Variants in KHDRBS2 observed in about 807,000 individuals in gnomAD.
KHDRBS2 encodes the protein KH RNA binding domain containing, signal transduction associated 2, also known as KH domain-containing, RNA-binding, signal transduction-associated protein 2.
In KHDRBS2, 26 loss-of-function variants were observed where a neutral mutation model predicts 44.3. The ratio of observed to expected loss-of-function variants is 0.59; its 90% confidence interval spans 0.43 to 0.81. KHDRBS2 has a LOEUF of 0.81. KHDRBS2 is among the 40% of genes least tolerant of loss of function. The pLI is 0.00. For synonymous variants in KHDRBS2, 194 were observed against 151.1 expected (o/e 1.28, Z -2.08); for missense variants, 476 against 433.1 (o/e 1.10, Z -0.88).
intron 6 of KHDRBS2, among the ~76,000 whole-genome samples, chr6:61,848,367 C>T (rs1794716937): frequency 6.8e-6 from 1 of 147,080 alleles, no homozygotes; most frequent in Non-Finnish European, 1.5e-5. Context: ...ACAAGCAGGT[C>T]GCAATGTTGC....
intron 2 of KHDRBS2, among the ~76,000 whole-genome samples, chr6:62,135,342 C>G (rs1275409653): frequency 6.6e-6 from 1 of 152,182 alleles, no homozygotes; most frequent in Non-Finnish European, 1.5e-5. Context: ...CCTCTCCAGC[C>G]ATGTGGAACT....
chr6:61,574,072 T>A, the KHDRBS2 span, among the ~76,000 whole-genome samples: 2 of 152,100 alleles, frequency 1.3e-5, no homozygotes, highest in African/African-American at 4.8e-5. Context: ...GCTGGGATAA[T>A]TAGCAAGCCA....
At chr6:61,897,659 T>C (rs1252321041) in intron 5 of KHDRBS2, among the ~76,000 whole-genome samples, 3 of 152,068 alleles carry the variant, frequency 2.0e-5, no homozygotes, top group African/African-American at 7.2e-5. Context: ...CCTTGGATGA[T>C]GGAATTGTTT....
intron 6 of KHDRBS2, among the ~76,000 whole-genome samples, chr6:61,828,421 G>C (rs1420014512): frequency 6.6e-6 from 1 of 152,174 alleles, no homozygotes; most frequent in African/African-American, 2.4e-5. Context: ...GAGAGCTACA[G>C]GTTACAGGTG....
chr6:62,228,560 T>C (rs918993466), intron 1 of KHDRBS2, among the ~76,000 whole-genome samples: 3 of 152,186 alleles, frequency 2.0e-5, no homozygotes, highest in African/African-American at 7.2e-5. Context: ...TAGTTATTTC[T>C]TGTCTTCTGC....
At chr6:62,176,340 C>T (rs1821091634) in intron 2 of KHDRBS2, among the ~76,000 whole-genome samples, 1 of 151,312 alleles carries the variant, frequency 6.6e-6, no homozygotes, top group Admixed American at 6.6e-5. Flanking sequence ...AATTTTATCC[C>T]TGTTTGAAAT....
At chr6:61,882,035 C>G (rs1317520140) in intron 6 of KHDRBS2, among the ~76,000 whole-genome samples, 2 of 152,032 alleles carry the variant, frequency 1.3e-5, no homozygotes, top group Non-Finnish European at 2.9e-5. Context: ...ACATCCAGTA[C>G]TACTGCACAA....
At chr6:61,793,232 T>C (rs1487324481) in intron 6 of KHDRBS2, among the ~76,000 whole-genome samples, 1 of 152,118 alleles carries the variant, frequency 6.6e-6, no homozygotes, top group African/African-American at 2.4e-5. Context: ...CACTTCACAA[T>C]ATTTATAAAT....
chr6:61,635,887 T>C, the KHDRBS2 span, among the ~76,000 whole-genome samples: 1 of 152,098 alleles, frequency 6.6e-6, no homozygotes, highest in Non-Finnish European at 1.5e-5. Context: ...TTTCACTTTA[T>C]GGAGTCGCAG....
intron 1 of KHDRBS2, among the ~76,000 whole-genome samples, chr6:62,226,845 G>A (rs1831927342): frequency 6.6e-6 from 1 of 152,024 alleles, no homozygotes; most frequent in Admixed American, 6.6e-5. Flanking sequence ...GATATGTGGT[G>A]TTACTTTTAA....
At chr6:62,091,011 T>C (rs1652521312) in intron 2 of KHDRBS2, among the ~76,000 whole-genome samples, 1 of 152,142 alleles carries the variant, frequency 6.6e-6, no homozygotes, top group African/African-American at 2.4e-5. Context: ...TGGGTGACAC[T>C]GTAATTGGGA....
At chr6:62,122,881 T>C (rs952555196) in intron 2 of KHDRBS2, among the ~76,000 whole-genome samples, 3 of 128,958 alleles carry the variant, frequency 2.3e-5, no homozygotes, top group African/African-American at 9.4e-5. Context: ...TTTATTTTAT[T>C]TTATTTATTT....
At chr6:61,976,492 T>C (rs186195399) in intron 4 of KHDRBS2, among the ~76,000 whole-genome samples, 2 of 152,248 alleles carry the variant, frequency 1.3e-5, no homozygotes, top group Admixed American at 6.5e-5. Flanking sequence ...TGTGTAGATA[T>C]ACATATCAAT....
chr6:62,248,945 C>T (rs1303110652), intron 1 of KHDRBS2, among the ~76,000 whole-genome samples: 2 of 151,990 alleles, frequency 1.3e-5, no homozygotes, highest in Non-Finnish European at 2.9e-5. Flanking sequence ...AGAAGAGAAA[C>T]AAAACTAGCA....
chr6:61,961,614 G>T (rs1414250437), intron 4 of KHDRBS2, among the ~76,000 whole-genome samples: 1 of 152,028 alleles, frequency 6.6e-6, no homozygotes, highest in African/African-American at 2.4e-5. Context: ...CTGAAGTGCT[G>T]AAATGGAGAC....
intron 5 of KHDRBS2, among the ~76,000 whole-genome samples, chr6:61,898,509 C>T (rs1404736027): frequency 6.6e-6 from 1 of 151,886 alleles, no homozygotes; most frequent in Non-Finnish European, 1.5e-5. Context: ...TTATGAGATA[C>T]ACAATTATTT....
At chr6:61,786,218 G>A (rs1783788761) in intron 6 of KHDRBS2, among the ~76,000 whole-genome samples, 1 of 151,874 alleles carries the variant, frequency 6.6e-6, no homozygotes, top group Admixed American at 6.6e-5. Flanking sequence ...AGAGGAAAAA[G>A]GAAAATGTAG....
chr6:61,544,309 T>C, the KHDRBS2 span, among the ~76,000 whole-genome samples: 2 of 152,208 alleles, frequency 1.3e-5, no homozygotes, highest in East Asian at 3.9e-4. Context: ...TAGCTTCAAA[T>C]TAACTAGTAG....
chr6:62,212,765 C>T lies in KHDRBS2; in HGVS notation c.92-35453G>A, dbSNP rs190128757. ...CAGAGAGAGCATAGCCCTGCCAGCA[C>T]CTTAGTTTCAGACTTCTGGCCTCCA... On this transcript the variant is annotated intron_variant, in intron 1 of 8. Transcript: ENST00000281156. Among the ~76,000 whole-genome samples, 707 of 152,258 alleles carry T rather than the reference C, an allele frequency of 4.6e-3. 10 individuals are homozygous for T. The highest frequency in any genetic ancestry group is 0.016 in the African/African-American group (671 of 41,534).
Sources: gnomAD v4.1 joint callset for allele counts (sites outside exome capture counted in the v4.1 genomes callset) on GRCh38, gnomAD v4.1.1 for gene constraint, MANE v1.5 for transcripts, NCBI Gene and HGNC (gene_info 2026-07-23, HGNC 2026-07-21) for gene names.